ACO1: variants seen among roughly 807,000 people sequenced by gnomAD.
The protein encoded by ACO1 is cytoplasmic aconitate hydratase.
ACO1 carries 78 observed loss-of-function variants against 105.1 expected under a neutral mutation model. The observed-to-expected ratio is 0.74, with a 90% CI of 0.62 to 0.90. The LOEUF is 0.90. Ranked by LOEUF, ACO1 falls within the 40% of genes least tolerant of loss-of-function variation. ACO1 has a pLI of 0.00. For synonymous variants in ACO1, 364 were observed against 397.4 expected (o/e 0.92, Z 1.00); for missense variants, 965 against 1,111.1 (o/e 0.87, Z 1.87).
chr9:32,412,544 A>C (rs538573984), intron 4 of ACO1, among the ~76,000 whole-genome samples: 121 of 152,326 alleles, frequency 7.9e-4, no homozygotes, highest in African/African-American at 2.6e-3. Context: ...TATTGCTAAC[A>C]TCCAAACCAG....
intron 1 of ACO1, among the ~76,000 whole-genome samples, chr9:32,400,645 T>G (rs1408446684): frequency 2.0e-5 from 3 of 152,210 alleles, no homozygotes; most frequent in African/African-American, 7.2e-5. Context: ...TCTATCTTTC[T>G]TTCAAAGGGT....
At chr9:32,430,352 A>G (rs1822198075) in intron 13 of ACO1, 66 bp from the exon 14 acceptor site, 5 of 1,492,664 alleles carry the variant, frequency 3.3e-6, no homozygotes, top group South Asian at 2.6e-5. Context: ...ACTCTTGCCA[A>G]TGGTCTGAGA....
chr9:32,420,196 G>T lies in ACO1; in HGVS notation c.799-660G>T, dbSNP rs1461381740. On this transcript the variant is annotated intron_variant, in intron 7 of 20. Transcript: ENST00000309951. The stretch of plus-strand genomic sequence containing the variant: ...CACTGTGGCCTCACTCCTGGCTGGT[G>T]CCTTGTGTGGAAAAGATATGGGAAT... Among the ~76,000 whole-genome samples, 3 of 104,618 alleles carry T rather than the reference G, an allele frequency of 2.9e-5. No individual in the cohort carries two copies. In the Admixed American group the frequency reaches 3.1e-4, roughly 11 times the overall value. The allele number at this position is 104,618 out of a possible 152,430, so 68.6% of individuals were successfully genotyped here. A position where few individuals can be genotyped will look rare whatever the true frequency, so the allele number is the denominator to read the frequency against.
intron 9 of ACO1, 41 bp from the exon 10 acceptor site, chr9:32,424,508 A>G: frequency 7.3e-7 from 1 of 1,363,540 alleles, no homozygotes; most frequent in South Asian, 1.2e-5. Flanking sequence ...CTTTGTGGGT[A>G]TAATGTAAAT....
At chr9:32,449,830 T>C (rs1036436463) in intron 20 of ACO1, among the ~76,000 whole-genome samples, 168 bp from the exon 21 acceptor site, 1 of 152,154 alleles carries the variant, frequency 6.6e-6, no homozygotes, top group Non-Finnish European at 1.5e-5. Flanking sequence ...AAATGCATCT[T>C]CTGATTTAGT....
chr9:32,415,116 A>C (rs988880992), intron 4 of ACO1, among the ~76,000 whole-genome samples: 1 of 152,172 alleles, frequency 6.6e-6, no homozygotes, highest in African/African-American at 2.4e-5. Context: ...TGGGAAGAGC[A>C]TGCTGGCTAC....
chr9:32,431,656 T>C, intron 14 of ACO1, 63 bp from the exon 15 acceptor site: 1 of 1,584,430 alleles, frequency 6.3e-7, no homozygotes, highest in Non-Finnish European at 8.6e-7. Flanking sequence ...GAGGCTTGAC[T>C]CTGTATAATC....
At position 32,390,478 on chromosome 9, in the gene ACO1, CT is replaced by C. The variant is rs148611500; in HGVS notation, c.-23+5744del. 3.9e-3 allele frequency among the ~76,000 whole-genome samples: 600 copies of C among 152,354 alleles called. 2 individuals are homozygous for C. The highest frequency in any genetic ancestry group is 8.7e-3 in the Admixed American group (133 of 15,306). Reference sequence around the variant, plus strand: ...ATTGTATTTGTGTGCTTATCTTAGTCTCCTTGTCAGATTGCAGTCTTCAAAT... The same window carrying C: ...ATTGTATTTGTGTGCTTATCTTAGTCCCTTGTCAGATTGCAGTCTTCAAAT... On this transcript the variant is annotated intron_variant, in intron 1 of 20. Coordinates refer to ENST00000309951, the MANE Select transcript of ACO1 (RefSeq NM_002197.3).
rs1822756688 is a variant in ACO1 at position 32,451,025 on chromosome 9, G to A, written c.*914G>A. 6.6e-6 allele frequency: 1 copy of A among 152,126 alleles called. No individual in the cohort carries two copies. Among genetic ancestry groups the A allele is most frequent in the African/African-American group, 2.4e-5 (1 of 41,410 alleles). The allele number at this position is 152,126 out of a possible 1,614,324, so 9.4% of individuals were successfully genotyped here. A position where few individuals can be genotyped will look rare whatever the true frequency, so the allele number is the denominator to read the frequency against. On this transcript the variant is annotated 3_prime_UTR_variant, in exon 21 of 21. Coordinates refer to ENST00000309951, the MANE Select transcript of ACO1 (RefSeq NM_002197.3). ...CATTATGCTCGCTCTTCCCTGTTTG[G>A]GAGCAGACAAGAAGGAAGAGTAGCC...
rs1416025860 is a variant in ACO1 at position 32,436,333 on chromosome 9, G to A, written c.2183G>A (p.Arg728His). 6.2e-6 allele frequency: 10 copies of A among 1,613,956 alleles called. No homozygotes were observed. Among genetic ancestry groups the A allele is most frequent in the East Asian group, 2.2e-5 (1 of 44,894 alleles). Residue 728 changes from arginine (R) to histidine (H), a missense_variant, in exon 18 of 21, where the codon CGC becomes CAC. By Grantham distance (29) the Arg-to-His change is conservative (BLOSUM62 0). Transcript: ENST00000309951. ...GCACGGGGAACATTTGCCAACATTC[G>A]CTTGTTAAACAGATTTTTGAACAAG... ...VMARGTFANI[R>H]LLNRFLNKQA...
At chr9:32,392,971 C>A (rs1821296929) in intron 1 of ACO1, among the ~76,000 whole-genome samples, 1 of 152,182 alleles carries the variant, frequency 6.6e-6, no homozygotes, top group East Asian at 1.9e-4. Flanking sequence ...ATCTCTTAAT[C>A]CCATCATCTT....
chr9:32,419,126 G>A lies in ACO1; in HGVS notation c.747G>A (p.Gly249=), dbSNP rs753012665. Residue 249 remains glycine, a synonymous_variant, in exon 7 of 21, where the codon GGG becomes GGA. Transcript: ENST00000309951. Reference sequence around the variant, plus strand: ...AGGTGATTGGCTACAGGCTGATGGGGAAGCCCCACCCTCTGGTAACATCCA... The same window carrying A: ...AGGTGATTGGCTACAGGCTGATGGGAAAGCCCCACCCTCTGGTAACATCCA... ...LPQVIGYRLM[G]KPHPLVTSTD... 2 of 1,608,026 alleles carry A rather than the reference G, an allele frequency of 1.2e-6. No homozygotes were observed. Among genetic ancestry groups the A allele is most frequent in the Non-Finnish European group, 1.7e-6 (2 of 1,177,014 alleles).
chr9:32,424,960 C>T (rs561569077), intron 10 of ACO1, among the ~76,000 whole-genome samples: 3 of 152,278 alleles, frequency 2.0e-5, no homozygotes, highest in Admixed American at 2.0e-4. Flanking sequence ...TGTGCATGCC[C>T]CTCCCTGCCT....
intron 19 of ACO1, among the ~76,000 whole-genome samples, chr9:32,448,029 C>T (rs78758299): frequency 0.044 from 6,738 of 152,112 alleles, 468 homozygotes; most frequent in African/African-American, 0.15. Flanking sequence ...GGTCGGGGAC[C>T]CACTTGAGGA....
chr9:32,415,411 G>C (rs1413476706), intron 4 of ACO1, among the ~76,000 whole-genome samples: 1 of 152,154 alleles, frequency 6.6e-6, no homozygotes, highest in Non-Finnish European at 1.5e-5. Flanking sequence ...GGTGGGAAAA[G>C]AGCTCATTAG....
At chr9:32,440,684 A>G in intron 19 of ACO1, 97 bp downstream of exon 19, 7 of 1,456,526 alleles carry the variant, frequency 4.8e-6, no homozygotes, top group Non-Finnish European at 6.4e-6. Flanking sequence ...AGAAGATGTC[A>G]AGGAAGAGCA....
intron 4 of ACO1, among the ~76,000 whole-genome samples, chr9:32,412,453 C>G (rs1172313359): frequency 6.6e-6 from 1 of 152,192 alleles, no homozygotes; most frequent in Admixed American, 6.5e-5. Flanking sequence ...AACAAAAACA[C>G]CTTTATTTGC....
At position 32,452,064 on chromosome 9, in the gene ACO1, CA is replaced by C. The variant is rs35264413; in HGVS notation, c.*1968del. The C allele has an allele frequency of 2.7e-3, 372 of 137,282 alleles. No individual in the cohort carries two copies. The highest frequency in any genetic ancestry group is 0.013 in the South Asian group (56 of 4,456). The allele number at this position is 137,282 out of a possible 1,614,324, so 8.5% of individuals were successfully genotyped here. On this transcript the variant is annotated 3_prime_UTR_variant, in exon 21 of 21. Coordinates refer to ENST00000309951, the MANE Select transcript of ACO1 (RefSeq NM_002197.3). Reference sequence around the variant, plus strand: ...GGGCTACAAGAGCAAAGCTCCGTCTCAAAAAAAAAAAAAAATTACAAACAAA... The same window carrying C: ...GGGCTACAAGAGCAAAGCTCCGTCTCAAAAAAAAAAAAAATTACAAACAAA...
intron 12 of ACO1, 144 bp downstream of exon 12, chr9:32,427,580 C>T (rs571124283): frequency 5.9e-6 from 7 of 1,184,270 alleles, no homozygotes; most frequent in Non-Finnish European, 8.4e-6. Flanking sequence ...TAGACTTAAA[C>T]CCTTACATTC....
Sources: gnomAD v4.1 joint callset for allele counts (sites outside exome capture counted in the v4.1 genomes callset) on GRCh38, gnomAD v4.1.1 for gene constraint, MANE v1.5 for transcripts, NCBI Gene and HGNC (gene_info 2026-07-23, HGNC 2026-07-21) for gene names.